ADAMTSL1: variants seen among roughly 807,000 people sequenced by gnomAD.
ADAMTSL1 encodes the protein ADAMTS-like protein 1.
ADAMTSL1 carries 126 observed loss-of-function variants against 201.8 expected under a neutral mutation model. That is an observed-to-expected ratio of 0.62 (90% CI 0.54 to 0.72). ADAMTSL1 has a LOEUF of 0.72. Ranked by LOEUF, ADAMTSL1 falls within the 30% of genes least tolerant of loss-of-function variation. The pLI is 0.00. For missense variants in ADAMTSL1, 2,679 were observed against 2,277.8 expected (o/e 1.18, Z -3.59); for synonymous variants, 1,121 against 903.4 (o/e 1.24, Z -4.32).
intron 2 of ADAMTSL1, among the ~76,000 whole-genome samples, chr9:18,318,446 G>C (rs548283461): frequency 6.6e-6 from 1 of 152,208 alleles, no homozygotes; most frequent in Non-Finnish European, 1.5e-5. Context: ...TCAATTCTGA[G>C]TAGCAGTAAT....
chr9:18,063,619 A>T (rs78778107), intron 1 of ADAMTSL1, among the ~76,000 whole-genome samples: 3 of 152,200 alleles, frequency 2.0e-5, no homozygotes, highest in African/African-American at 7.2e-5. Flanking sequence ...AGGACCCGTC[A>T]GAATGGCGGG....
intron 9 of ADAMTSL1, among the ~76,000 whole-genome samples, chr9:18,667,150 AG>A (rs1360172717): frequency 8.6e-5 from 13 of 151,962 alleles, no homozygotes. Flanking sequence ...TCAGAGCAAC[AG>A]TCCTAAGCAA....
chr9:18,181,800 G>T (rs1261736394), intron 2 of ADAMTSL1, among the ~76,000 whole-genome samples: 1 of 151,854 alleles, frequency 6.6e-6, no homozygotes, highest in African/African-American at 2.4e-5. Context: ...TATACCCAAA[G>T]GATTATAAAT....
chr9:18,392,162 C>A (rs1009446528), intron 2 of ADAMTSL1, among the ~76,000 whole-genome samples: 1 of 152,048 alleles, frequency 6.6e-6, no homozygotes, highest in African/African-American at 2.4e-5. Flanking sequence ...GCACAAGTCA[C>A]CTAAATTATA....
intron 2 of ADAMTSL1, among the ~76,000 whole-genome samples, chr9:18,249,848 T>G (rs143933469): frequency 6.6e-6 from 1 of 152,276 alleles, no homozygotes; most frequent in Non-Finnish European, 1.5e-5. Flanking sequence ...CCTGGACTGT[T>G]ATTGACTAGG....
intron 2 of ADAMTSL1, among the ~76,000 whole-genome samples, chr9:18,529,917 C>G (rs951865928): frequency 4.6e-5 from 7 of 152,100 alleles, no homozygotes; most frequent in Non-Finnish European, 4.4e-5. Context: ...CTTTGCTTTG[C>G]TTTTGTTTTG....
chr9:18,431,357 G>A (rs1819481729), intron 2 of ADAMTSL1, among the ~76,000 whole-genome samples: 1 of 152,204 alleles, frequency 6.6e-6, no homozygotes, highest in South Asian at 2.1e-4. Flanking sequence ...GAAACTAAAA[G>A]TGTATCAGTG....
chr9:18,395,874 G>T (rs914764486), intron 2 of ADAMTSL1, among the ~76,000 whole-genome samples: 1 of 152,144 alleles, frequency 6.6e-6, no homozygotes, highest in Non-Finnish European at 1.5e-5. Context: ...TCATTTTTCT[G>T]CATGGGTAAT....
chr9:18,566,833 G>A (rs144836586), intron 3 of ADAMTSL1, among the ~76,000 whole-genome samples: 7 of 152,284 alleles, frequency 4.6e-5, no homozygotes, highest in Non-Finnish European at 8.8e-5. Context: ...AAGGGCAGAA[G>A]GGAAATTAGG....
intron 16 of ADAMTSL1, among the ~76,000 whole-genome samples, chr9:18,753,725 A>G (rs1189736228): frequency 1.3e-5 from 2 of 152,212 alleles, no homozygotes; most frequent in Admixed American, 6.5e-5. Context: ...AGTGACCTCC[A>G]AAAGCAATGC....
At chr9:18,180,019 A>G (rs1449944628) in intron 2 of ADAMTSL1, among the ~76,000 whole-genome samples, 1 of 152,172 alleles carries the variant, frequency 6.6e-6, no homozygotes, top group African/African-American at 2.4e-5. Flanking sequence ...AAATTCACAC[A>G]TAACAATATT....
At chr9:18,559,362 C>G (rs1446275535) in intron 3 of ADAMTSL1, among the ~76,000 whole-genome samples, 2 of 152,208 alleles carry the variant, frequency 1.3e-5, no homozygotes, top group Non-Finnish European at 2.9e-5. Flanking sequence ...TTCCATTGGT[C>G]TATATATCTG....
intron 14 of ADAMTSL1, chr9:18,717,994 C>G: frequency 6.3e-7 from 1 of 1,592,372 alleles, no homozygotes; most frequent in South Asian, 1.1e-5. Context: ...GACATGATGA[C>G]TTTTTGCGAG....
chr9:18,210,260 A>G (rs1829812285), intron 2 of ADAMTSL1, among the ~76,000 whole-genome samples: 1 of 151,170 alleles, frequency 6.6e-6, no homozygotes, highest in Admixed American at 6.6e-5. Flanking sequence ...AACATGTCAG[A>G]GTTTTTAATT....
intron 15 of ADAMTSL1, among the ~76,000 whole-genome samples, chr9:18,749,110 A>C (rs1416218136): frequency 6.6e-6 from 1 of 152,164 alleles, no homozygotes; most frequent in East Asian, 1.9e-4. Context: ...GTTTGACCTC[A>C]TCTTAAGCGA....
At chr9:18,048,488 A>T (rs2131658170) in intron 1 of ADAMTSL1, among the ~76,000 whole-genome samples, 1 of 152,320 alleles carries the variant, frequency 6.6e-6, no homozygotes, top group Admixed American at 6.5e-5. Flanking sequence ...ATTGTAACAA[A>T]CATACCATAT....
At chr9:18,902,832 G>A (rs762486345) in intron 26 of ADAMTSL1, among the ~76,000 whole-genome samples, 2 of 151,998 alleles carry the variant, frequency 1.3e-5, no homozygotes. Flanking sequence ...TAGCTACATT[G>A]GCAAAGAAAA....
chr9:18,368,362 C>CA (rs1370911425), intron 2 of ADAMTSL1, among the ~76,000 whole-genome samples: 1 of 152,178 alleles, frequency 6.6e-6, no homozygotes, highest in Non-Finnish European at 1.5e-5. Context: ...ATGCTGACTG[C>CA]TGTGGTAACA....
chr9:18,774,162 A>C (rs745851980), intron 17 of ADAMTSL1, among the ~76,000 whole-genome samples: 1 of 152,040 alleles, frequency 6.6e-6, no homozygotes, highest in African/African-American at 2.4e-5. Context: ...TCCTTCCCCG[A>C]TGCCCTGCCT....
Sources: allele counts gnomAD v4.1 joint callset (sites outside exome capture counted in the v4.1 genomes callset), GRCh38; gene constraint gnomAD v4.1.1; transcripts MANE v1.5; gene names NCBI Gene and HGNC (gene_info 2026-07-23, HGNC 2026-07-21).